ADGRL2: variants seen among roughly 807,000 people sequenced by gnomAD.
ADGRL2 encodes calcium-independent alpha-latrotoxin receptor 2.
Under a neutral mutation model 157.4 loss-of-function variants are expected in ADGRL2, and 44 were observed. The ratio of observed to expected loss-of-function variants is 0.28; its 90% CI spans 0.22 to 0.36. ADGRL2 has a LOEUF of 0.36. Ranked by LOEUF, ADGRL2 falls within the 10% of genes least tolerant of loss-of-function variation. ADGRL2 has a pLI of 1.00. For synonymous variants in ADGRL2, 585 were observed against 624.7 expected, an observed-to-expected ratio of 0.94 and a Z score of 0.95; for missense variants, 1,510 against 1,768.9, an observed-to-expected ratio of 0.85 and a Z score of 2.63.
chr1:81,463,797 G>C (rs1409644481), intron 2 of ADGRL2, among the ~76,000 whole-genome samples: 1 of 152,204 alleles, frequency 6.6e-6, no homozygotes, highest in East Asian at 1.9e-4. Context: ...TATAAAGACA[G>C]TTTAAATTCT....
chr1:81,927,698 TTAAA>T (rs1185535959), intron 3 of ADGRL2, among the ~76,000 whole-genome samples: 1 of 152,012 alleles, frequency 6.6e-6, no homozygotes, highest in African/African-American at 2.4e-5. Flanking sequence ...ACACAAATTA[TTAAA>T]TAAATAATGA....
chr1:81,392,197 C>T (rs11589322), intron 1 of ADGRL2, among the ~76,000 whole-genome samples: 25,981 of 148,490 alleles, frequency 0.17, 2,905 homozygotes, highest in Middle Eastern at 0.26. Context: ...CAAATATATG[C>T]CTCTCACACT....
intron 2 of ADGRL2, among the ~76,000 whole-genome samples, chr1:81,898,228 C>G (rs1040892289): frequency 6.6e-6 from 1 of 152,184 alleles, no homozygotes. Flanking sequence ...TGTTGGAACA[C>G]TTTCTTTTGC....
chr1:81,509,413 CTCTA>C (rs2079036274), intron 2 of ADGRL2, among the ~76,000 whole-genome samples: 3 of 152,154 alleles, frequency 2.0e-5, no homozygotes, highest in African/African-American at 4.8e-5. Context: ...CCTTTTACCA[CTCTA>C]TCTGCTACCA....
intron 1 of ADGRL2, among the ~76,000 whole-genome samples, chr1:81,331,253 T>C (rs1031894426): frequency 6.6e-6 from 1 of 152,128 alleles, no homozygotes; most frequent in Non-Finnish European, 1.5e-5. Context: ...TATGCAAGAA[T>C]GCAAAAGATG....
At chr1:81,810,588 A>G (rs1409926937) in intron 1 of ADGRL2, among the ~76,000 whole-genome samples, 1 of 151,886 alleles carries the variant, frequency 6.6e-6, no homozygotes, top group East Asian at 1.9e-4. Flanking sequence ...AGTTCTTACA[A>G]TTCCTGACTT....
At chr1:81,545,356 G>T (rs2079989813) in intron 2 of ADGRL2, among the ~76,000 whole-genome samples, 1 of 149,404 alleles carries the variant, frequency 6.7e-6, no homozygotes, top group Admixed American at 6.7e-5. Context: ...ATGTGATCTT[G>T]GCTGTCTGCA....
intron 2 of ADGRL2, among the ~76,000 whole-genome samples, chr1:81,448,137 CTTTTTTT>C (rs1168945231): frequency 3.6e-5 from 3 of 83,502 alleles, no homozygotes; most frequent in South Asian, 5.1e-4. Context: ...TTCTTTCTTT[CTTTTTTT>C]TTTTTTTTTT....
chr1:81,980,661 AT>A (rs945578365), intron 18 of ADGRL2: 47 of 452,766 alleles, frequency 1.0e-4, no homozygotes, highest in South Asian at 3.4e-4. Context: ...GTAAGGGTAA[AT>A]TTTTTTTTAA....
In ADGRL2 at chr1:81,647,427, T is replaced by G. The variant is rs188016515; in HGVS notation, c.-143+66447T>G. Among the ~76,000 whole-genome samples, 334 of 152,236 alleles carry G rather than the reference T, an allele frequency of 2.2e-3. 1 individual carries two copies. Among genetic ancestry groups the G allele is most frequent in the Non-Finnish European group, 4.1e-3 (279 of 68,014 alleles). On this transcript the variant is annotated intron_variant, in intron 3 of 24. Coordinates refer to the ADGRL2 transcript ENST00000370721. ...TTTGAGCCCCAACATATCCCACAAG[T>G]GGATAACTCTACACCTGACCTCATG...
At chr1:81,321,302 G>A (rs939290967) in intron 1 of ADGRL2, among the ~76,000 whole-genome samples, 2 of 152,146 alleles carry the variant, frequency 1.3e-5, no homozygotes, top group African/African-American at 4.8e-5. Flanking sequence ...AACCTATTTT[G>A]CTTTCTTACC....
chr1:81,594,936 A>G (rs2081202906), intron 3 of ADGRL2, among the ~76,000 whole-genome samples: 1 of 152,274 alleles, frequency 6.6e-6, no homozygotes, highest in African/African-American at 2.4e-5. Flanking sequence ...CACATTTAAT[A>G]TAAACACACT....
Position 81,991,522 on chromosome 1 carries a change from A to C in ADGRL2, c.*377A>C, listed in dbSNP as rs1664598071. On this transcript the variant is annotated 3_prime_UTR_variant, in exon 24 of 24. Transcript: ENST00000686636. ...CACCATTTTTGTAGGCCTGCATTGTATTATATACAAGACGTAGGCTTTAAA... is the reference window on the plus strand; with the variant it reads ...CACCATTTTTGTAGGCCTGCATTGTCTTATATACAAGACGTAGGCTTTAAA... 1 of 168,774 alleles carries C rather than the reference A, an allele frequency of 5.9e-6. No homozygotes were observed. Among genetic ancestry groups the C allele is most frequent in the South Asian group, 1.5e-4 (1 of 6,624 alleles). The allele number at this position is 168,774 out of a possible 1,614,324, so 10.5% of individuals were successfully genotyped here.
At chr1:81,407,033 G>A (rs2076865974) in intron 1 of ADGRL2, among the ~76,000 whole-genome samples, 1 of 152,124 alleles carries the variant, frequency 6.6e-6, no homozygotes. Context: ...TTCCTCGTCT[G>A]GTGTCTCTGG....
upstream of ADGRL2, among the ~76,000 whole-genome samples, chr1:81,695,312 A>G (rs993296259): frequency 1.3e-5 from 2 of 151,864 alleles, no homozygotes; most frequent in Non-Finnish European, 2.9e-5. Flanking sequence ...CATTTTAATA[A>G]ATAATAATAC....
intron 2 of ADGRL2, among the ~76,000 whole-genome samples, chr1:81,769,802 CA>C: frequency 6.6e-6 from 1 of 152,104 alleles, no homozygotes; most frequent in African/African-American, 2.4e-5. Flanking sequence ...TGTTTCAATA[CA>C]AGCATATGGT....
At chr1:81,363,689 C>A (rs183646784) in intron 1 of ADGRL2, among the ~76,000 whole-genome samples, 540 of 152,200 alleles carry the variant, frequency 3.5e-3, no homozygotes, top group Non-Finnish European at 3.8e-3. Flanking sequence ...GTAACAAAAC[C>A]ATCATAAAAG....
At chr1:81,962,149 T>C (rs943366) in intron 11 of ADGRL2, among the ~76,000 whole-genome samples, 35,264 of 152,120 alleles carry the variant, frequency 0.23, 4,342 homozygotes, top group Admixed American at 0.26. Flanking sequence ...CTTTTACCAA[T>C]TTAATTTTTC....
chr1:81,337,906 C>A (rs574615408), intron 1 of ADGRL2, among the ~76,000 whole-genome samples: 1 of 152,174 alleles, frequency 6.6e-6, no homozygotes, highest in African/African-American at 2.4e-5. Context: ...AATAGGGGTA[C>A]AAATAGGGTC....
Sources: gnomAD v4.1 joint callset for allele counts (sites outside exome capture counted in the v4.1 genomes callset) on GRCh38, gnomAD v4.1.1 for gene constraint, MANE v1.5 for transcripts, NCBI Gene and HGNC (gene_info 2026-07-23, HGNC 2026-07-21) for gene names.